The following NLGN4X variants were observed in gnomAD, a reference collection of about 807,000 sequenced individuals.
NLGN4X encodes neuroligin 4 X-linked.
In NLGN4X, 3 loss-of-function variants were observed where a neutral mutation model predicts 40.3. The ratio of observed to expected loss-of-function variants is 0.07; its 90% CI spans 0.03 to 0.19. The LOEUF (loss-of-function observed/expected upper bound fraction) is 0.19. Ranked by LOEUF, NLGN4X falls within the 10% of genes least tolerant of loss-of-function variation. The pLI, the probability that NLGN4X is intolerant of heterozygous loss-of-function variation, is 1.00. For synonymous variants in NLGN4X, 270 were observed against 306.8 expected (o/e 0.88, Z 1.25); for missense variants, 382 against 708.3 (o/e 0.54, Z 5.23).
chrX:6,117,593 G>A lies in NLGN4X; in HGVS notation c.472+33402C>T, dbSNP rs190500046. Among the ~76,000 whole-genome samples, 178 of 111,113 alleles carry A rather than the reference G, an allele frequency of 1.6e-3. 2 individuals carry two copies. Among genetic ancestry groups the A allele is most frequent in the African/African-American group, 5.6e-3 (172 of 30,511 alleles). ...GATTCCTGGTCCTGCCTTGTTCCTG[G>A]GCATGAAACAAATGGCCTATACCTC... is the stretch of plus-strand genomic sequence containing the variant. On this transcript the variant is annotated intron_variant, in intron 2 of 5. Transcript: ENST00000381095.
At chrX:6,161,903 T>C (rs1052605911) in intron 1 of NLGN4X, among the ~76,000 whole-genome samples, 1 of 111,940 alleles carries the variant, frequency 8.9e-6, no homozygotes, top group African/African-American at 3.2e-5. Flanking sequence ...ATTTCATGCA[T>C]GTGCATATGA....
At chrX:6,024,298 T>C (rs1260987729) in intron 3 of NLGN4X, among the ~76,000 whole-genome samples, 1 of 111,452 alleles carries the variant, frequency 9.0e-6, no homozygotes, top group Non-Finnish European at 1.9e-5. Flanking sequence ...TCAGCAAGGA[T>C]TTTGCTGGCT....
intron 2 of NLGN4X, among the ~76,000 whole-genome samples, chrX:6,115,280 C>T (rs2039252565): frequency 9.0e-6 from 1 of 111,651 alleles, no homozygotes; most frequent in East Asian, 2.8e-4. Flanking sequence ...ACAAATTCTA[C>T]AGGATCACGG....
chrX:6,223,186 C>T (rs912252067), intron 1 of NLGN4X, among the ~76,000 whole-genome samples: 6 of 109,697 alleles, frequency 5.5e-5, no homozygotes, highest in Admixed American at 9.7e-5. Context: ...TTTTTATATA[C>T]GTATTTTAGT....
At chrX:6,098,025 C>T (rs953774793) in intron 2 of NLGN4X, among the ~76,000 whole-genome samples, 57 of 112,864 alleles carry the variant, frequency 5.1e-4, no homozygotes, top group Admixed American at 4.6e-3. Flanking sequence ...CGCGATGGCT[C>T]GCACCTGGAA....
intron 3 of NLGN4X, among the ~76,000 whole-genome samples, chrX:6,026,033 A>G (rs958367327): frequency 1.8e-5 from 2 of 111,291 alleles, no homozygotes; most frequent in African/African-American, 6.5e-5. Context: ...CAAGGGAGAG[A>G]CCACTGCCTT....
At chrX:6,018,163 CAT>C (rs749422098) in intron 3 of NLGN4X, among the ~76,000 whole-genome samples, 4 of 107,417 alleles carry the variant, frequency 3.7e-5, no homozygotes, top group African/African-American at 1.1e-4. Flanking sequence ...TGTATGTACA[CAT>C]ATATGTATGT....
intron 2 of NLGN4X, among the ~76,000 whole-genome samples, chrX:6,096,872 GA>G (rs754757028): frequency 9.0e-6 from 1 of 111,281 alleles, no homozygotes; most frequent in Non-Finnish European, 1.9e-5. Flanking sequence ...TTCTGTATTA[GA>G]TTGTGAAGGG....
At chrX:6,111,605 G>T (rs2039150601) in intron 2 of NLGN4X, among the ~76,000 whole-genome samples, 1 of 111,078 alleles carries the variant, frequency 9.0e-6, no homozygotes, top group African/African-American at 3.3e-5. Context: ...AATTAGCCAG[G>T]GATGGTGGCA....
chrX:5,899,914 GT>G (rs1336008550), intron 5 of NLGN4X, among the ~76,000 whole-genome samples: 1 of 112,148 alleles, frequency 8.9e-6, no homozygotes, highest in East Asian at 2.8e-4. Flanking sequence ...AAAAGCATAT[GT>G]TTTTAATGAG....
chrX:6,097,593 G>A (rs752333060), intron 2 of NLGN4X, among the ~76,000 whole-genome samples: 8 of 111,653 alleles, frequency 7.2e-5, no homozygotes, highest in African/African-American at 2.6e-4. Flanking sequence ...GGAGAGTAGA[G>A]AAACACTAAA....
chrX:6,220,648 T>C (rs901916861), intron 1 of NLGN4X, among the ~76,000 whole-genome samples: 9 of 109,382 alleles, frequency 8.2e-5, no homozygotes, highest in Non-Finnish European at 1.7e-4. Flanking sequence ...ACATACTTTC[T>C]ACTTACTTAG....
At chrX:6,106,339 T>C (rs2039032966) in intron 2 of NLGN4X, among the ~76,000 whole-genome samples, 1 of 111,522 alleles carries the variant, frequency 9.0e-6, no homozygotes, top group Non-Finnish European at 1.9e-5. Flanking sequence ...AGCACCCCAT[T>C]TACAGAGTGG....
rs1379384961 is a variant in NLGN4X at position 6,004,725 on chromosome X, A to G, written c.625+24555T>C. On this transcript the variant is annotated intron_variant, in intron 3 of 5. Coordinates refer to ENST00000381095, the MANE Select transcript of NLGN4X (RefSeq NM_181332.3). ...GAAGCCGGAAACTGCTGGATCAAAT[A>G]AGGTTCTTGGCTTATGTACTCCCAA... 4.5e-5 allele frequency among the ~76,000 whole-genome samples: 5 copies of G among 111,912 alleles called. No individual in the cohort carries two copies. In the Admixed American group the frequency reaches 4.7e-4, roughly 11 times the overall value.
At chrX:6,106,874 G>A (rs1414434985) in intron 2 of NLGN4X, among the ~76,000 whole-genome samples, 1 of 112,006 alleles carries the variant, frequency 8.9e-6, no homozygotes, top group Admixed American at 9.5e-5. Flanking sequence ...CAACTTTCCA[G>A]GGAATCCCTA....
intron 1 of NLGN4X, chrX:6,187,001 T>A (rs1922073582): frequency 9.1e-6 from 1 of 110,083 alleles, no homozygotes; most frequent in South Asian, 4.0e-4. Context: ...AGTGGTACGA[T>A]CTCAGCTCAC....
intron 1 of NLGN4X, among the ~76,000 whole-genome samples, chrX:6,195,201 C>T (rs962940837): frequency 8.9e-6 from 1 of 112,018 alleles, no homozygotes; most frequent in African/African-American, 3.2e-5. Context: ...GAATTCTTTA[C>T]ATATACTAAC....
chrX:6,002,436 T>C (rs11796833), intron 3 of NLGN4X, among the ~76,000 whole-genome samples: 31,250 of 111,664 alleles, frequency 0.28, 3,933 homozygotes, highest in African/African-American at 0.49. Flanking sequence ...CTGGAATTGT[T>C]TGAGTACTTC....
chrX:6,111,196 T>C (rs941788399), intron 2 of NLGN4X, among the ~76,000 whole-genome samples: 3 of 112,081 alleles, frequency 2.7e-5, no homozygotes, highest in Non-Finnish European at 5.6e-5. Flanking sequence ...ACCTAATGTA[T>C]CTTGTTATAT....
Sources: gnomAD v4.1 joint callset for allele counts (sites outside exome capture counted in the v4.1 genomes callset) on GRCh38, gnomAD v4.1.1 for gene constraint, MANE v1.5 for transcripts, NCBI Gene and HGNC (gene_info 2026-07-23, HGNC 2026-07-21) for gene names.